The following DENND2A variants were observed in gnomAD, a reference collection of about 807,000 sequenced individuals.
DENND2A encodes the protein DENN domain containing 2A.
A neutral mutation model predicts 105.3 loss-of-function variants in DENND2A; 53 were observed. The ratio of observed to expected loss-of-function variants is 0.50; its 90% confidence interval spans 0.40 to 0.63. The LOEUF is 0.63. Among genes scored for constraint, DENND2A ranks in the 30% least tolerant of loss-of-function variants. The pLI, the probability that DENND2A is intolerant of heterozygous loss-of-function variation, is 0.00. For missense variants in DENND2A, 1,138 were observed against 1,279.6 expected, an observed-to-expected ratio of 0.89 and a Z score of 1.69; for synonymous variants, 522 against 508.4, an observed-to-expected ratio of 1.03 and a Z score of -0.36.
At chr7:140,603,460 T>G (rs1366335854) in intron 2 of DENND2A, among the ~76,000 whole-genome samples, 1 of 152,188 alleles carries the variant, frequency 6.6e-6, no homozygotes. Context: ...ATTGTCTGAT[T>G]CAAGTGGGCA....
At chr7:140,558,106 A>G in intron 11 of DENND2A, 37 bp downstream of exon 11, 1 of 1,589,138 alleles carries the variant, frequency 6.3e-7, no homozygotes, top group Middle Eastern at 1.7e-4. Flanking sequence ...TAGGAAGTCC[A>G]CGAGGCTCTT....
chr7:140,583,750 C>A (rs925335063), intron 5 of DENND2A, among the ~76,000 whole-genome samples: 1 of 147,172 alleles, frequency 6.8e-6, no homozygotes, highest in African/African-American at 2.6e-5. Context: ...AATGGTGAAA[C>A]CCCGTCTCTA....
At position 140,527,536 on chromosome 7, in the gene DENND2A, G is replaced by A. The variant is rs768009898; in HGVS notation, c.2328-41C>T. ...GAACAGGGAGAGAGGCCGACTCAGC[G>A]AGGGCCCGAGGAAGCCTCCAGGGGA... On this transcript the variant is annotated intron_variant, in intron 14 of 19. Coordinates refer to ENST00000496613, the MANE Select transcript of DENND2A (RefSeq NM_015689.5). The surrounding 1 kb of genome is among the most constrained non-coding windows in gnomAD (Gnocchi z 4.9). 20 of 1,543,976 alleles carry A rather than the reference G, an allele frequency of 1.3e-5. No homozygotes were observed. The highest frequency in any genetic ancestry group is 4.6e-5 in the East Asian group (2 of 43,514).
In DENND2A at chr7:140,567,220, A is replaced by T; in HGVS notation, c.1645T>A (p.Tyr549Asn). ...ATGAGTTCCCGGGCAAGTGATGGGT[A>T]CCGAGGCGCCTGCTTCAGCCGGGAC... ...VKSRLKQAPR[Y>N]PSLARELIEY... The change falls in exon 9 of 20, where the codon TAC becomes AAC. Residue 549 changes from tyrosine (Y) to asparagine (N), a missense_variant. Coordinates refer to ENST00000496613, the MANE Select transcript of DENND2A (RefSeq NM_015689.5). The T allele has an allele frequency of 1.2e-6, 2 of 1,613,222 alleles. No homozygotes were observed. The highest frequency in any genetic ancestry group is 1.7e-5 in the Admixed American group (1 of 59,910).
chr7:140,620,705 C>T (rs1438401645), intron 1 of DENND2A, among the ~76,000 whole-genome samples: 1 of 152,184 alleles, frequency 6.6e-6, no homozygotes, highest in African/African-American at 2.4e-5. Flanking sequence ...GTGAGTTCAT[C>T]ACTCCGCACC....
chr7:140,630,793 G>A (rs138940015), intron 1 of DENND2A, among the ~76,000 whole-genome samples: 3 of 152,274 alleles, frequency 2.0e-5, no homozygotes, highest in East Asian at 1.9e-4. Context: ...CCTGGGAGGC[G>A]GAGGTTGCAG....
At chr7:140,598,751 AT>A (rs1355397654) in intron 3 of DENND2A, among the ~76,000 whole-genome samples, 2 of 152,224 alleles carry the variant, frequency 1.3e-5, no homozygotes, top group Non-Finnish European at 2.9e-5. Flanking sequence ...AGCATGTCAA[AT>A]AATTATATAT....
At chr7:140,638,125 A>G (rs1467642457) in intron 1 of DENND2A, among the ~76,000 whole-genome samples, 1 of 152,160 alleles carries the variant, frequency 6.6e-6, no homozygotes, top group Non-Finnish European at 1.5e-5. Flanking sequence ...TCCACATGAT[A>G]AATTCCCAGC....
intron 12 of DENND2A, among the ~76,000 whole-genome samples, chr7:140,548,853 T>A (rs1401472792): frequency 6.6e-6 from 1 of 151,472 alleles, no homozygotes; most frequent in Non-Finnish European, 1.5e-5. Flanking sequence ...CCTCAGGTGA[T>A]CCACCCACCT....
intron 12 of DENND2A, among the ~76,000 whole-genome samples, chr7:140,549,716 A>T (rs1195056727): frequency 6.6e-6 from 1 of 152,244 alleles, no homozygotes; most frequent in East Asian, 1.9e-4. Context: ...TAGAATGACC[A>T]TATGATCCAG....
rs574904106 is a variant in DENND2A, at chr7:140,544,831, G to A, written c.2179-65C>T. 1.2e-4 allele frequency: 193 copies of A among 1,546,554 alleles called. 2 individuals are homozygous for A. In the South Asian group the frequency reaches 2.0e-3, roughly 16 times the overall value. ...CTACGCAGCCAGGCCTCTCACGGGT[G>A]TCGCAGTCCCAGGGCTCTGAGGTCC... On this transcript the variant is annotated intron_variant, in intron 13 of 19. Coordinates refer to ENST00000496613, the MANE Select transcript of DENND2A (RefSeq NM_015689.5).
chr7:140,607,057 A>G (rs1253491302), intron 1 of DENND2A, among the ~76,000 whole-genome samples: 3 of 152,044 alleles, frequency 2.0e-5, no homozygotes, highest in African/African-American at 7.2e-5. Flanking sequence ...GAGAGGAGCC[A>G]CCTCCTTGAC....
At chr7:140,602,668 TA>T (rs201951571) in intron 2 of DENND2A, 126 bp from the exon 3 acceptor site, 9,738 of 255,188 alleles carry the variant, frequency 0.038, 533 homozygotes, top group African/African-American at 0.16. Context: ...AAATTCCTAT[TA>T]AAAAAAAAAA....
intron 6 of DENND2A, 137 bp downstream of exon 6, chr7:140,573,671 A>G (rs950660106): frequency 7.5e-5 from 76 of 1,012,134 alleles, no homozygotes; most frequent in Non-Finnish European, 9.8e-5. Flanking sequence ...TGCTGGCTTC[A>G]CTGTGTCCCC....
intron 9 of DENND2A, among the ~76,000 whole-genome samples, chr7:140,561,456 A>AT (rs1797607865): frequency 6.6e-6 from 1 of 151,842 alleles, no homozygotes; most frequent in Non-Finnish European, 1.5e-5. Flanking sequence ...CGTCTAACCT[A>AT]AATATAATGG....
chr7:140,583,926 G>GAAA (rs35931795), intron 5 of DENND2A, among the ~76,000 whole-genome samples: 1 of 107,602 alleles, frequency 9.3e-6, no homozygotes, highest in Non-Finnish European at 1.8e-5. Flanking sequence ...ACTCCGTCTC[G>GAAA]AAAAAAAAAA....
At chr7:140,638,085 CTA>C (rs553959167) in intron 1 of DENND2A, among the ~76,000 whole-genome samples, 10 of 151,146 alleles carry the variant, frequency 6.6e-5, no homozygotes, top group African/African-American at 2.4e-4. Context: ...TTTTTTTTTT[CTA>C]TGTCACTCTT....
intron 3 of DENND2A, among the ~76,000 whole-genome samples, chr7:140,588,997 C>T (rs766109416): frequency 6.6e-6 from 1 of 152,126 alleles, no homozygotes; most frequent in Non-Finnish European, 1.5e-5. Context: ...CCTGCCTCAG[C>T]CTCCCAAAGT....
At chr7:140,526,999 C>T (rs1390581955) in intron 15 of DENND2A, among the ~76,000 whole-genome samples, 6 of 151,968 alleles carry the variant, frequency 3.9e-5, no homozygotes, top group Non-Finnish European at 7.4e-5. Context: ...GGGGAGTGGG[C>T]GAGAGGGCAG....
Sources: gnomAD v4.1 joint callset for allele counts (sites outside exome capture counted in the v4.1 genomes callset) on GRCh38, gnomAD v4.1.1 for gene constraint, Gnocchi (gnomAD v3.1) non-coding constraint, MANE v1.5 for transcripts, NCBI Gene and HGNC (gene_info 2026-07-23, HGNC 2026-07-21) for gene names.